Variants in KDR observed in about 807,000 individuals in gnomAD.
The protein encoded by KDR is kinase insert domain receptor, also known as vascular endothelial growth factor receptor 2.
KDR carries 43 observed loss-of-function variants against 160.9 expected under a neutral mutation model. That is an observed-to-expected ratio of 0.27 (90% CI 0.21 to 0.34). KDR has a LOEUF of 0.34. Among genes scored for constraint, KDR ranks in the 10% least tolerant of loss-of-function variants. The pLI is 1.00. For synonymous variants in KDR, 617 were observed against 600.1 expected, an observed-to-expected ratio of 1.03 and a Z score of -0.41; for missense variants, 1,469 against 1,666.4, an observed-to-expected ratio of 0.88 and a Z score of 2.06.
chr4:55,118,774 C>G lies in KDR; in HGVS notation c.188G>C (p.Trp63Ser). 1.2e-6 allele frequency: 2 copies of G among 1,614,140 alleles called. No homozygotes were observed. Among genetic ancestry groups the G allele is most frequent in the Non-Finnish European group, 1.7e-6 (2 of 1,180,000 alleles). The change falls in exon 3 of 30, where the codon TGG (tryptophan) becomes TCG (serine). Residue 63 changes from tryptophan to serine, a missense_variant. By Grantham distance (177) the Trp-to-Ser change is radical (BLOSUM62 -3). Transcript: ENST00000263923. ...CTCACTGCCACTCTGATTATTGGGC[C>G]AAAGCCAGTCCAAGTCCCTCTGTCC... ...CRGQRDLDWL[W>S]PNNQSGSEQR...
chr4:55,120,637 A>C (rs1459425323), intron 2 of KDR, among the ~76,000 whole-genome samples: 2 of 152,230 alleles, frequency 1.3e-5, no homozygotes, highest in African/African-American at 4.8e-5. Flanking sequence ...TATAGTAATA[A>C]ATTTCTTATA....
At chr4:55,095,101 A>G in intron 20 of KDR, 146 bp from the exon 21 acceptor site, 1 of 821,250 alleles carries the variant, frequency 1.2e-6, no homozygotes. Flanking sequence ...GGATTATGCA[A>G]TCTCTGAGCT....
At chr4:55,104,482 T>G in intron 13 of KDR, 161 bp downstream of exon 13, 1 of 677,780 alleles carries the variant, frequency 1.5e-6, no homozygotes, top group Admixed American at 2.3e-5. Context: ...CATTTCATTA[T>G]TATTAGCTTC....
chr4:55,096,864 T>C (rs1165416950), intron 18 of KDR: 1 of 180,660 alleles, frequency 5.5e-6, no homozygotes, highest in African/African-American at 2.4e-5. Context: ...ATGTGTTTGA[T>C]CCTGTATGGA....
Position 55,098,153 on chromosome 4 carries a change from T to C in KDR, c.2493A>G (p.Arg831=). Residue 831 remains arginine, a synonymous_variant, in exon 17 of 30, where the codon AGA becomes AGG. Transcript: ENST00000263923. ...AAAATGCACCTAGCTTCAGCCGGTC[T>C]CTGGGGAATTCCCATTTGCTGGCAT... ...PYDASKWEFP[R]DRLKLGKPLG... is the part of the protein sequence containing the mutation. The C allele has an allele frequency of 6.2e-7, 1 of 1,613,974 alleles. No individual in the cohort carries two copies. Among genetic ancestry groups the C allele is most frequent in the Non-Finnish European group, 8.5e-7 (1 of 1,179,884 alleles).
At position 55,082,541 on chromosome 4, in the gene KDR, G is replaced by A. The variant is rs142120845; in HGVS notation, c.3757C>T (p.Pro1253Ser). The change falls in exon 28 of 30, where the codon CCA becomes TCA. Residue 1253 changes from proline (P) to serine (S), a missense_variant. Pro to Ser is a moderately conservative substitution (Grantham distance 74). Coordinates refer to ENST00000263923, the MANE Select transcript of KDR (RefSeq NM_002253.4). ...TTTTTAAAAGACGTACTTACATCTG[G>A]GATTACTTTTACTTCTGGTTCTTCT... ...PLEEPEVKVI[P>S]DDNQTDSGMV... 3 of 1,599,730 alleles carry A rather than the reference G, an allele frequency of 1.9e-6. No homozygotes were observed. The African/African-American group carries it at 4.0e-5, about 21-fold the overall frequency.
intron 18 of KDR, chr4:55,096,615 G>A: frequency 2.1e-6 from 1 of 475,940 alleles, no homozygotes. Context: ...CATCTGCAGT[G>A]GAATCATGCC....
chr4:55,104,302 A>T (rs1323863349), intron 13 of KDR, among the ~76,000 whole-genome samples: 1 of 152,060 alleles, frequency 6.6e-6, no homozygotes, highest in African/African-American at 2.4e-5. Flanking sequence ...ACCACTGTGA[A>T]TTTCTGACAC....
chr4:55,095,709 A>C, intron 19 of KDR, 44 bp from the exon 20 acceptor site: 14 of 1,372,734 alleles, frequency 1.0e-5, no homozygotes, highest in Non-Finnish European at 1.5e-5. Context: ...TTTCACTCAT[A>C]TTCCTCACTA....
intron 18 of KDR, among the ~76,000 whole-genome samples, chr4:55,097,269 T>C (rs1162153118): frequency 6.6e-6 from 1 of 152,246 alleles, no homozygotes; most frequent in African/African-American, 2.4e-5. Flanking sequence ...GAGAACATGC[T>C]ATTTTTGTAT....
chr4:55,081,953 T>C lies in KDR; in HGVS notation c.3848+3A>G. ...TTGTCTTTTTAATATGGCTGAGTCTTACCCAAAAGATGGAGATAATTTGGT... is the reference window on the plus strand; with the variant it reads ...TTGTCTTTTTAATATGGCTGAGTCTCACCCAAAAGATGGAGATAATTTGGT... On this transcript the variant is annotated splice_donor_region_variant and intron_variant, in intron 29 of 29. Coordinates refer to ENST00000263923, the MANE Select transcript of KDR (RefSeq NM_002253.4). The C allele has an allele frequency of 1.2e-6, 2 of 1,603,534 alleles. No individual in the cohort carries two copies. The highest frequency in any genetic ancestry group is 1.7e-6 in the Non-Finnish European group (2 of 1,170,326).
At chr4:55,096,205 C>T in intron 19 of KDR, 24 bp downstream of exon 19, 1 of 1,468,136 alleles carries the variant, frequency 6.8e-7, no homozygotes, top group South Asian at 1.1e-5. Flanking sequence ...AATTGGGTGA[C>T]CAAAACCACC....
At chr4:55,081,855 C>T (rs764464456) in intron 29 of KDR, 101 bp downstream of exon 29, 130 of 769,616 alleles carry the variant, frequency 1.7e-4, no homozygotes, top group Middle Eastern at 1.3e-3. Context: ...CTCCAACCAA[C>T]AAAGACCCCA....
chr4:55,090,075 T>C lies in KDR; in HGVS notation c.3073A>G (p.Ile1025Val). 1.2e-6 allele frequency: 2 copies of C among 1,614,064 alleles called. No homozygotes were observed. Among genetic ancestry groups the C allele is most frequent in the African/African-American group, 1.3e-5 (1 of 75,050 alleles). The change falls in exon 23 of 30, where the codon ATC becomes GTC. Residue 1025 changes from isoleucine (I) to valine (V), a missense_variant. Ile to Val is a conservative substitution (Grantham distance 29). Transcript: ENST00000263923. ...TTTCGTGCCGCCAGGTCCCTGTGGA[T>C]ACACTGCAAAGAGAATCATGTGTGC... The part of the protein sequence containing the change: ...GMEFLASRKC[I>V]HRDLAARNIL...
In KDR at chr4:55,087,723, C is replaced by T. The variant is rs1258410178; in HGVS notation, c.3546G>A (p.Glu1182=). ...GKDYIVLPIS[E]TLSMEEDSGL... is the part of the protein sequence containing the mutation. ...CAGAATCCTCTTCCATGCTCAAAGT[C>T]TCTGATATCGGAAGAACAATGTAGT... is the stretch of plus-strand genomic sequence containing the variant. The change falls in exon 27 of 30, where the codon GAG becomes GAA. Residue 1182 remains glutamate, a synonymous_variant. Transcript: ENST00000263923. 6 of 1,614,168 alleles carry T rather than the reference C, an allele frequency of 3.7e-6. No homozygotes were observed. Among genetic ancestry groups the T allele is most frequent in the Non-Finnish European group, 5.1e-6 (6 of 1,180,020 alleles).
chr4:55,087,531 C>T (rs957669617), intron 27 of KDR, 76 bp downstream of exon 27: 1 of 1,361,486 alleles, frequency 7.3e-7, no homozygotes, highest in East Asian at 2.3e-5. Context: ...CAAGGTCTTC[C>T]TTCCACTTCC....
Position 55,079,202 on chromosome 4 carries a change from C to T in KDR, c.*739G>A. ...CAAGGAGCCAGAGCTGCATCATTTC[C>T]TTCCTGGGGCTTGGCCAGGAGACAC... On this transcript the variant is annotated 3_prime_UTR_variant, in exon 30 of 30. Transcript: ENST00000263923. 1 of 233,436 alleles carries T rather than the reference C, an allele frequency of 4.3e-6. No homozygotes were observed. The highest frequency in any genetic ancestry group is 8.5e-6 in the Non-Finnish European group (1 of 118,190). The allele number at this position is 233,436 out of a possible 1,614,324, so 14.5% of individuals were successfully genotyped here.
At chr4:55,117,176 A>C (rs1469258009) in intron 3 of KDR, among the ~76,000 whole-genome samples, 1 of 152,216 alleles carries the variant, frequency 6.6e-6, no homozygotes, top group Non-Finnish European at 1.5e-5. Context: ...AAAAAAAGGA[A>C]ATAAACAAAA....
rs1720222179 is a variant in KDR, at chr4:55,098,621, A to G, written c.2373+76T>C. The G allele has an allele frequency of 3.1e-5, 34 of 1,110,704 alleles. No individual in the cohort carries two copies. The South Asian group carries it at 4.3e-4, about 14-fold the overall frequency. The allele number at this position is 1,110,704 out of a possible 1,614,324, so 68.8% of individuals were successfully genotyped here. The stretch of plus-strand genomic sequence containing the variant: ...GAGCCAATAACAATGGGAAGAAACA[A>G]CTCAAAGAACCCCAGTCAGTTTTCA... On this transcript the variant is annotated intron_variant, in intron 16 of 29. Coordinates refer to ENST00000263923, the MANE Select transcript of KDR (RefSeq NM_002253.4).
Sources: gnomAD v4.1 joint callset for allele counts (sites outside exome capture counted in the v4.1 genomes callset) on GRCh38, gnomAD v4.1.1 for gene constraint, MANE v1.5 for transcripts, NCBI Gene and HGNC (gene_info 2026-07-23, HGNC 2026-07-21) for gene names.